The following DISC1 variants were observed in gnomAD, a reference collection of about 807,000 sequenced individuals.
DISC1 encodes DISC1 scaffold protein, also known as disrupted in schizophrenia 1 protein.
DISC1 carries 57 observed loss-of-function variants against 84.5 expected under a neutral mutation model. The observed-to-expected ratio is 0.67, with a 90% CI of 0.55 to 0.84. The LOEUF (loss-of-function observed/expected upper bound fraction) is 0.84. Among genes scored for constraint, DISC1 ranks in the 40% least tolerant of loss-of-function variants. The pLI is 0.00. For synonymous variants in DISC1, 411 were observed against 415.2 expected (o/e 0.99, Z 0.12); for missense variants, 1,000 against 1,057.8 (o/e 0.95, Z 0.76).
At chr1:231,728,891 G>A (rs1003956264) in intron 3 of DISC1, among the ~76,000 whole-genome samples, 4 of 152,076 alleles carry the variant, frequency 2.6e-5, no homozygotes, top group African/African-American at 9.7e-5. Flanking sequence ...TGTGCACAAC[G>A]TGCAGGTTTG....
At chr1:231,638,799 C>T (rs935010041) in intron 1 of DISC1, among the ~76,000 whole-genome samples, 1 of 152,078 alleles carries the variant, frequency 6.6e-6, no homozygotes, top group African/African-American at 2.4e-5. Context: ...AAGACAACAT[C>T]CAAATTAGGA....
At chr1:231,781,005 T>A in intron 6 of DISC1, among the ~76,000 whole-genome samples, 1 of 89,544 alleles carries the variant, frequency 1.1e-5, no homozygotes. Flanking sequence ...CTCTGGGGAC[T>A]GTTGTGGGGT....
chr1:231,717,840 T>C (rs2068976016), intron 3 of DISC1, among the ~76,000 whole-genome samples: 4 of 151,942 alleles, frequency 2.6e-5, no homozygotes, highest in Admixed American at 1.3e-4. Context: ...TCTTCATTAA[T>C]AAAAAAAAGA....
At chr1:231,888,513 G>A (rs1004440102) in intron 9 of DISC1, among the ~76,000 whole-genome samples, 1 of 151,402 alleles carries the variant, frequency 6.6e-6, no homozygotes, top group Non-Finnish European at 1.5e-5. Flanking sequence ...GGGAGGCCGA[G>A]GGGGGTGGAT....
rs1245980558 is a variant in DISC1, at chr1:231,694,337, T to A, written c.579T>A (p.Pro193=). 1.2e-6 allele frequency: 2 copies of A among 1,614,238 alleles called. No individual in the cohort carries two copies. The highest frequency in any genetic ancestry group is 2.2e-5 in the South Asian group (2 of 91,088). ...ACAGCTGCAGCCCTGGCTGTGGCCC[T>A]GAGGTCCCCCCAACCCCTCCTGGCT... The part of the protein sequence containing the change: ...SSNSCSPGCG[P]EVPPTPPGSH... Residue 193 remains proline (P), a synonymous_variant, in exon 2 of 13, where the codon CCT becomes CCA. Transcript: ENST00000439617.
intron 6 of DISC1, among the ~76,000 whole-genome samples, chr1:231,775,281 C>T (rs1485061536): frequency 6.6e-6 from 1 of 152,304 alleles, no homozygotes; most frequent in Middle Eastern, 3.4e-3. Context: ...AAAGAAACTT[C>T]CTAATAGCAT....
At chr1:231,812,579 G>C (rs1422163891) in intron 8 of DISC1, among the ~76,000 whole-genome samples, 1 of 152,184 alleles carries the variant, frequency 6.6e-6, no homozygotes, top group African/African-American at 2.4e-5. Flanking sequence ...ATGTGGACAA[G>C]TGCTTTAAAA....
Position 231,992,210 on chromosome 1 carries a change from G to A in DISC1, c.2043-16575G>A, listed in dbSNP as rs966746495. ...TACTTTCCTAAAAAAGGCAGCTGAC[G>A]TATCCCTCACCTTTAAAACAGCAAA... On this transcript the variant is annotated intron_variant, in intron 10 of 12. Coordinates refer to ENST00000439617, the MANE Select transcript of DISC1 (RefSeq NM_018662.3). Among the ~76,000 whole-genome samples, 11 of 152,276 alleles carry A rather than the reference G, an allele frequency of 7.2e-5. No individual in the cohort carries two copies. The East Asian group carries it at 9.7e-4, about 13-fold the overall frequency.
At chr1:232,036,624 C>G in intron 12 of DISC1, 68 bp from the exon 13 acceptor site, 6 of 1,409,462 alleles carry the variant, frequency 4.3e-6, no homozygotes, top group Non-Finnish European at 4.7e-6. Context: ...CTCACACGCT[C>G]TTCGATCCCT....
At chr1:231,865,226 T>C (rs1286002216) in intron 9 of DISC1, among the ~76,000 whole-genome samples, 1 of 152,206 alleles carries the variant, frequency 6.6e-6, no homozygotes, top group Admixed American at 6.5e-5. Flanking sequence ...AGTCTGACAA[T>C]TGCTGTATGC....
At chr1:231,959,369 T>G (rs1274821498) in intron 10 of DISC1, 1 of 985,758 alleles carries the variant, frequency 1.0e-6, no homozygotes, top group Admixed American at 6.1e-5. Flanking sequence ...GGAATTCATC[T>G]TTGAGAAATG....
At chr1:231,934,336 A>C (rs1292349762) in intron 9 of DISC1, among the ~76,000 whole-genome samples, 1 of 152,202 alleles carries the variant, frequency 6.6e-6, no homozygotes, top group African/African-American at 2.4e-5. Flanking sequence ...GCTCCTCAGC[A>C]TTGTATCTTA....
intron 9 of DISC1, among the ~76,000 whole-genome samples, chr1:231,843,406 G>A (rs969916024): frequency 4.6e-5 from 7 of 152,086 alleles, no homozygotes; most frequent in Non-Finnish European, 7.4e-5. Flanking sequence ...AGCAATAGGA[G>A]GCACTTGGAC....
chr1:231,974,201 C>T (rs987532281), intron 10 of DISC1, among the ~76,000 whole-genome samples: 1 of 152,120 alleles, frequency 6.6e-6, no homozygotes, highest in African/African-American at 2.4e-5. Flanking sequence ...GGCTGGCCTT[C>T]CCGTGGTCTC....
At chr1:231,975,470 G>C (rs1662658718) in intron 10 of DISC1, among the ~76,000 whole-genome samples, 1 of 152,116 alleles carries the variant, frequency 6.6e-6, no homozygotes, top group Admixed American at 6.6e-5. Context: ...TCCCACTACT[G>C]GAAATCTACC....
chr1:231,912,104 G>A (rs2089255556), intron 9 of DISC1, among the ~76,000 whole-genome samples: 1 of 152,104 alleles, frequency 6.6e-6, no homozygotes, highest in Non-Finnish European at 1.5e-5. Flanking sequence ...TAGCTTCTTT[G>A]CAATGGGTTC....
At chr1:232,021,333 T>TATAC in intron 11 of DISC1, among the ~76,000 whole-genome samples, 1 of 148,242 alleles carries the variant, frequency 6.7e-6, no homozygotes, top group East Asian at 2.0e-4. Context: ...ACTTGTTCTA[T>TATAC]ACACACACAC....
At chr1:231,963,358 A>C (rs1234795586) in intron 10 of DISC1, among the ~76,000 whole-genome samples, 1 of 152,134 alleles carries the variant, frequency 6.6e-6, no homozygotes, top group African/African-American at 2.4e-5. Flanking sequence ...ATATTTCACC[A>C]TTTTTGACCT....
At chr1:231,639,295 A>T (rs551893303) in intron 1 of DISC1, among the ~76,000 whole-genome samples, 1 of 152,238 alleles carries the variant, frequency 6.6e-6, no homozygotes, top group Non-Finnish European at 1.5e-5. Context: ...TCCATTCTCC[A>T]TATCAAAGCA....
Sources: allele counts gnomAD v4.1 joint callset (sites outside exome capture counted in the v4.1 genomes callset), GRCh38; gene constraint gnomAD v4.1.1; transcripts MANE v1.5; gene names NCBI Gene and HGNC (gene_info 2026-07-23, HGNC 2026-07-21).